The following DAB1 variants were observed in gnomAD, a reference collection of about 807,000 sequenced individuals.
DAB1 encodes the protein disabled homolog 1.
In DAB1, 15 loss-of-function variants were observed where a neutral mutation model predicts 64.6. The ratio of observed to expected loss-of-function variants is 0.23; its 90% CI spans 0.16 to 0.36. The LOEUF is 0.36. DAB1 is among the 10% of genes least tolerant of loss of function. DAB1 has a pLI of 1.00. For synonymous variants in DAB1, 235 were observed against 251.9 expected (o/e 0.93, Z 0.64); for missense variants, 596 against 706.7 (o/e 0.84, Z 1.78).
intron 7 of DAB1, among the ~76,000 whole-genome samples, chr1:57,451,012 T>A (rs1350776631): frequency 2.0e-5 from 3 of 152,228 alleles, no homozygotes; most frequent in African/African-American, 7.2e-5. Flanking sequence ...TGGAAAAGGT[T>A]GTTTCTTCTT....
intron 2 of DAB1, among the ~76,000 whole-genome samples, chr1:57,164,306 T>C (rs1482203419): frequency 2.0e-5 from 3 of 152,148 alleles, no homozygotes; most frequent in Non-Finnish European, 4.4e-5. Flanking sequence ...GATTTGTTTA[T>C]TTCTCAACTG....
chr1:56,995,426 A>C lies in DAB1; in HGVS notation c.*2718T>G, dbSNP rs922580948. 6.6e-6 allele frequency: 1 copy of C among 152,200 alleles called. No individual in the cohort carries two copies. Among genetic ancestry groups the C allele is most frequent in the Non-Finnish European group, 1.5e-5 (1 of 68,034 alleles). The allele number at this position is 152,200 out of a possible 1,614,324, so 9.4% of individuals were successfully genotyped here. On this transcript the variant is annotated 3_prime_UTR_variant, in exon 15 of 15. Coordinates refer to ENST00000371236, the MANE Select transcript of DAB1 (RefSeq NM_001365792.1). The stretch of plus-strand genomic sequence containing the variant: ...AAAAAATCAGAATTCTGCCAATGAG[A>C]ATATGGATGGCAGTTGAAAAACTTG...
At chr1:57,490,571 C>T (rs1033324810) in intron 7 of DAB1, among the ~76,000 whole-genome samples, 6 of 151,968 alleles carry the variant, frequency 3.9e-5, no homozygotes, top group African/African-American at 1.4e-4. Context: ...TGAGTGTTTT[C>T]TCCTAAACCC....
At chr1:57,769,583 G>A (rs1294963325) in intron 6 of DAB1, among the ~76,000 whole-genome samples, 2 of 152,134 alleles carry the variant, frequency 1.3e-5, no homozygotes, top group Non-Finnish European at 1.5e-5. Flanking sequence ...TCCCCTTACA[G>A]GCTTCTCCAG....
chr1:57,934,063 TTGTG>T lies in DAB1; in HGVS notation n.388-49905_388-49902del, dbSNP rs55848780. ...GGCGTCCGCCACCAAGCCCAGCTAA[TTGTG>T]TGTGTGTGTGTGTGTGTGTGTGTGT... is the stretch of plus-strand genomic sequence containing the variant. On this transcript the variant is annotated intron_variant and non_coding_transcript_variant, in intron 5 of 20. Coordinates refer to the DAB1 transcript ENST00000485760. 5.4e-3 allele frequency among the ~76,000 whole-genome samples: 696 copies of T among 128,082 alleles called. 10 individuals carry two copies. The highest frequency in any genetic ancestry group is 0.045 in the East Asian group (206 of 4,564). 84.0% of individuals were successfully genotyped at this position (128,082 alleles called of 152,430 possible). A position where few individuals can be genotyped will look rare whatever the true frequency, so the allele number is the denominator to read the frequency against.
chr1:57,486,159 T>C (rs1335288822), intron 7 of DAB1, among the ~76,000 whole-genome samples: 1 of 152,226 alleles, frequency 6.6e-6, no homozygotes, highest in Non-Finnish European at 1.5e-5. Context: ...CTTTAAATTA[T>C]GCGCTCCCAA....
chr1:58,202,636 G>A (rs969585356), intron 4 of DAB1, among the ~76,000 whole-genome samples: 2 of 152,190 alleles, frequency 1.3e-5, no homozygotes, highest in African/African-American at 4.8e-5. Context: ...GTTAATGGAC[G>A]TGAATGTGTT....
At chr1:58,093,291 G>T (rs1650785957) in intron 5 of DAB1, among the ~76,000 whole-genome samples, 1 of 152,134 alleles carries the variant, frequency 6.6e-6, no homozygotes, top group Non-Finnish European at 1.5e-5. Flanking sequence ...CAGTGTAGGG[G>T]CAGAAGGTAA....
At chr1:57,841,825 T>A (rs1332713118) in intron 1 of DAB1, among the ~76,000 whole-genome samples, 1 of 152,066 alleles carries the variant, frequency 6.6e-6, no homozygotes, top group Non-Finnish European at 1.5e-5. Context: ...GCTGTGAAGA[T>A]CTCTGAAATG....
At chr1:57,640,821 G>A (rs1646119036) in intron 7 of DAB1, among the ~76,000 whole-genome samples, 2 of 152,182 alleles carry the variant, frequency 1.3e-5, no homozygotes, top group South Asian at 4.1e-4. Flanking sequence ...CAGCATTAGA[G>A]TAACATTAGA....
At chr1:58,322,058 T>A (rs1482801811) in intron 4 of DAB1, among the ~76,000 whole-genome samples, 1 of 152,168 alleles carries the variant, frequency 6.6e-6, no homozygotes, top group Non-Finnish European at 1.5e-5. Context: ...TGAAACTGGA[T>A]CCCTTCCTTA....
exon 2 of DAB1, chr1:58,527,299 C>T (rs1234724560): frequency 1.1e-6 from 1 of 872,096 alleles, no homozygotes; most frequent in African/African-American, 1.6e-5. Context: ...TCAGCTTCGG[C>T]CTCCAATTTT....
chr1:57,937,149 T>A (rs1196829796), intron 5 of DAB1, among the ~76,000 whole-genome samples: 1 of 152,116 alleles, frequency 6.6e-6, no homozygotes, highest in Non-Finnish European at 1.5e-5. Flanking sequence ...AGTTGGTGCT[T>A]GGTAAGTATT....
intron 7 of DAB1, among the ~76,000 whole-genome samples, chr1:57,501,135 A>C (rs1558439024): frequency 6.6e-6 from 1 of 152,200 alleles, no homozygotes. Context: ...TGTTTTGAAC[A>C]AAAGGATGTT....
chr1:57,051,711 T>C (rs1374777006), intron 9 of DAB1, among the ~76,000 whole-genome samples: 3 of 152,130 alleles, frequency 2.0e-5, no homozygotes, highest in African/African-American at 7.2e-5. Context: ...ACATCCAGTA[T>C]GAAGAAAGCA....
chr1:58,110,338 A>C (rs1651903395), intron 5 of DAB1, among the ~76,000 whole-genome samples: 1 of 152,218 alleles, frequency 6.6e-6, no homozygotes, highest in Admixed American at 6.5e-5. Flanking sequence ...CTTCACCAAT[A>C]ATAAGTGAAC....
intron 5 of DAB1, among the ~76,000 whole-genome samples, chr1:58,072,607 C>A (rs766467318): frequency 2.0e-5 from 3 of 151,582 alleles, no homozygotes; most frequent in African/African-American, 7.3e-5. Flanking sequence ...GAAGAACAAA[C>A]CTTCAAGCAC....
chr1:58,396,507 G>A (rs917509761), intron 3 of DAB1, among the ~76,000 whole-genome samples: 1 of 151,934 alleles, frequency 6.6e-6, no homozygotes, highest in Non-Finnish European at 1.5e-5. Context: ...GTGTGGCGGT[G>A]GGGGCGGGCA....
At chr1:58,458,492 A>G (rs1193578818) in intron 3 of DAB1, among the ~76,000 whole-genome samples, 1 of 152,250 alleles carries the variant, frequency 6.6e-6, no homozygotes, top group Non-Finnish European at 1.5e-5. Context: ...AGCTACAGGT[A>G]GCAAAGTGGT....
Sources: gnomAD v4.1 joint callset for allele counts (sites outside exome capture counted in the v4.1 genomes callset) on GRCh38, gnomAD v4.1.1 for gene constraint, MANE v1.5 for transcripts, NCBI Gene and HGNC (gene_info 2026-07-23, HGNC 2026-07-21) for gene names.